Variants in LMBR1 observed in about 807,000 individuals in gnomAD.
The protein encoded by LMBR1 is limb region 1 protein homolog.
In LMBR1, 52 loss-of-function variants were observed where a neutral mutation model predicts 73.9. That is an observed-to-expected ratio of 0.70 (90% CI 0.56 to 0.89). The LOEUF (loss-of-function observed/expected upper bound fraction) is 0.89. Among genes scored for constraint, LMBR1 ranks in the 40% least tolerant of loss-of-function variants. The pLI is 0.00. For synonymous variants in LMBR1, 215 were observed against 209.4 expected (o/e 1.03, Z -0.23); for missense variants, 539 against 579.8 (o/e 0.93, Z 0.72).
intron 1 of LMBR1, among the ~76,000 whole-genome samples, chr7:156,869,104 A>G (rs116071414): frequency 6.6e-6 from 1 of 152,232 alleles, no homozygotes; most frequent in Non-Finnish European, 1.5e-5. Context: ...TATTTTATTA[A>G]GTGTTAAAAC....
At chr7:156,714,285 G>A (rs1412977172) in intron 15 of LMBR1, among the ~76,000 whole-genome samples, 1 of 152,254 alleles carries the variant, frequency 6.6e-6, no homozygotes, top group Admixed American at 6.5e-5. Context: ...AGTGTTATAT[G>A]AGAGTGCACG....
At chr7:156,834,000 A>C (rs1837165939) in intron 2 of LMBR1, among the ~76,000 whole-genome samples, 1 of 152,206 alleles carries the variant, frequency 6.6e-6, no homozygotes, top group Admixed American at 6.5e-5. Flanking sequence ...GGATGTTTCA[A>C]TTAACAAAAT....
At chr7:156,721,166 A>G (rs1814479866) in intron 15 of LMBR1, among the ~76,000 whole-genome samples, 1 of 152,128 alleles carries the variant, frequency 6.6e-6, no homozygotes, top group Non-Finnish European at 1.5e-5. Flanking sequence ...TGGACACTAA[A>G]TAACTTACAA....
chr7:156,773,242 G>A (rs1373664999), intron 5 of LMBR1, among the ~76,000 whole-genome samples: 3 of 151,844 alleles, frequency 2.0e-5, no homozygotes, highest in Admixed American at 1.3e-4. Context: ...TGGATAGGAA[G>A]AATCATTGCT....
At chr7:156,774,012 A>T (rs998301337) in intron 5 of LMBR1, among the ~76,000 whole-genome samples, 1 of 51,562 alleles carries the variant, frequency 1.9e-5, no homozygotes, top group African/African-American at 1.3e-4. Flanking sequence ...ACTTAAACAC[A>T]TTAATAAGCA....
chr7:156,673,860 G>A (rs957367360), downstream of LMBR1, among the ~76,000 whole-genome samples: 3 of 151,162 alleles, frequency 2.0e-5, no homozygotes, highest in Non-Finnish European at 4.4e-5. Flanking sequence ...TCAGAAGTCT[G>A]GTGATTTAAA....
At chr7:156,743,591 G>A (rs1437890761) in intron 9 of LMBR1, among the ~76,000 whole-genome samples, 2 of 152,106 alleles carry the variant, frequency 1.3e-5, no homozygotes, top group African/African-American at 2.4e-5. Context: ...AGGAAGACTG[G>A]TGCTCTTTCT....
chr7:156,755,401 T>C (rs1199104536), intron 9 of LMBR1, among the ~76,000 whole-genome samples: 1 of 152,260 alleles, frequency 6.6e-6, no homozygotes, highest in African/African-American at 2.4e-5. Context: ...CATGGGGCAC[T>C]ACATTTTACC....
chr7:156,734,561 G>T (rs1414430548), intron 9 of LMBR1, among the ~76,000 whole-genome samples: 1 of 152,152 alleles, frequency 6.6e-6, no homozygotes, highest in Non-Finnish European at 1.5e-5. Context: ...CTACTCCAGT[G>T]ATGGGTACAT....
In LMBR1 at chr7:156,861,067, C is replaced by G. The variant is rs1797652608; in HGVS notation, c.67-24182G>C. Reference sequence around the variant, plus strand: ...ACTAGGTGGTGTCCCAGTAGTAACTCTGTGTGGTGGCTCCAACCCCACATT... The same window carrying G: ...ACTAGGTGGTGTCCCAGTAGTAACTGTGTGTGGTGGCTCCAACCCCACATT... On this transcript the variant is annotated intron_variant, in intron 1 of 16. Coordinates refer to ENST00000353442, the MANE Select transcript of LMBR1 (RefSeq NM_022458.4). Among the ~76,000 whole-genome samples, 4 of 152,366 alleles carry G rather than the reference C, an allele frequency of 2.6e-5. 1 individual carries two copies. Among genetic ancestry groups the G allele is most frequent in the Middle Eastern group, 6.8e-3 (2 of 294 alleles).
At chr7:156,835,423 A>T (rs1450768208) in intron 2 of LMBR1, among the ~76,000 whole-genome samples, 1 of 152,218 alleles carries the variant, frequency 6.6e-6, no homozygotes, top group African/African-American at 2.4e-5. Context: ...GGCCAGGCGC[A>T]GTGGCTCATG....
At chr7:156,888,655 C>T (rs915072787) in intron 1 of LMBR1, among the ~76,000 whole-genome samples, 3 of 152,140 alleles carry the variant, frequency 2.0e-5, no homozygotes, top group South Asian at 2.1e-4. Flanking sequence ...CGTTGGCTCC[C>T]GCCTGTAATC....
chr7:156,829,202 G>T (rs1056393455), intron 3 of LMBR1, among the ~76,000 whole-genome samples: 1 of 152,202 alleles, frequency 6.6e-6, no homozygotes, highest in African/African-American at 2.4e-5. Flanking sequence ...ACCCCTCTGC[G>T]CAGAAGTAAA....
chr7:156,735,776 T>C (rs1449140401), intron 9 of LMBR1, among the ~76,000 whole-genome samples: 6 of 152,002 alleles, frequency 3.9e-5, no homozygotes, highest in African/African-American at 1.5e-4. Flanking sequence ...TTTACCTATC[T>C]TGCTTGCTTA....
intron 4 of LMBR1, among the ~76,000 whole-genome samples, chr7:156,802,420 A>C (rs1282697906): frequency 6.6e-6 from 1 of 152,234 alleles, no homozygotes; most frequent in Non-Finnish European, 1.5e-5. Context: ...TGAGTAATCA[A>C]TAAAAATGAG....
chr7:156,755,768 T>C (rs1465238356), intron 9 of LMBR1, among the ~76,000 whole-genome samples: 2 of 152,206 alleles, frequency 1.3e-5, no homozygotes, highest in African/African-American at 4.8e-5. Flanking sequence ...AGATACAAAC[T>C]GAAATTCCTG....
chr7:156,863,850 T>C (rs1798067946), intron 1 of LMBR1, among the ~76,000 whole-genome samples: 1 of 152,168 alleles, frequency 6.6e-6, no homozygotes, highest in Non-Finnish European at 1.5e-5. Context: ...TTAATAAGTG[T>C]TATTAATAGC....
chr7:156,809,781 G>A (rs1832774219), intron 4 of LMBR1, among the ~76,000 whole-genome samples: 1 of 152,136 alleles, frequency 6.6e-6, no homozygotes, highest in African/African-American at 2.4e-5. Flanking sequence ...AACTTAACGT[G>A]TCTCTTTTTG....
intron 4 of LMBR1, among the ~76,000 whole-genome samples, chr7:156,824,690 C>A (rs2133800332): frequency 6.6e-6 from 1 of 151,866 alleles, no homozygotes; most frequent in African/African-American, 2.4e-5. Flanking sequence ...AAAAAAACAC[C>A]AAAAATTAGC....
Sources: allele counts gnomAD v4.1 joint callset (sites outside exome capture counted in the v4.1 genomes callset), GRCh38; gene constraint gnomAD v4.1.1; transcripts MANE v1.5; gene names NCBI Gene and HGNC (gene_info 2026-07-23, HGNC 2026-07-21).